CCNF: variants seen among roughly 807,000 people sequenced by gnomAD.
CCNF encodes the protein cyclin-F.
A neutral mutation model predicts 85.4 loss-of-function variants in CCNF; 30 were observed. The observed-to-expected ratio is 0.35, with a 90% CI of 0.26 to 0.48. The LOEUF (loss-of-function observed/expected upper bound fraction) is 0.48. CCNF is among the 20% of genes least tolerant of loss of function. CCNF has a pLI of 0.99. For synonymous variants in CCNF, 439 were observed against 425.1 expected (o/e 1.03, Z -0.40); for missense variants, 919 against 1,010.4 (o/e 0.91, Z 1.23).
intron 4 of CCNF, 44 bp from the exon 5 acceptor site, chr16:2,437,085 T>C: frequency 6.8e-7 from 1 of 1,464,796 alleles, no homozygotes; most frequent in East Asian, 2.4e-5. Flanking sequence ...CCACATTCCG[T>C]CCCTAAGAGA....
At chr16:2,438,642 GA>G (rs932243743) in intron 6 of CCNF, among the ~76,000 whole-genome samples, 288 of 114,100 alleles carry the variant, frequency 2.5e-3, no homozygotes, top group African/African-American at 3.9e-3. Context: ...CTCAGTCTCA[GA>G]AAAAAAAAAA....
At chr16:2,432,435 CTT>C in intron 2 of CCNF, among the ~76,000 whole-genome samples, 1 of 152,206 alleles carries the variant, frequency 6.6e-6, no homozygotes, top group South Asian at 2.1e-4. Flanking sequence ...GCAGTGGAAA[CTT>C]TGGTGCTTAA....
chr16:2,456,911 G>T lies in CCNF; in HGVS notation c.2252G>T (p.Arg751Leu). 1 of 1,614,082 alleles carries T rather than the reference G, an allele frequency of 6.2e-7. No homozygotes were observed. ...HQARKSCLQCRPPSPPESSVP... is the reference protein window; with the variant it reads ...HQARKSCLQCLPPSPPESSVP... ...GCCAGGAAGTCATGTTTACAGTGTC[G>T]TCCCCCAAGTCCCCCGGAGAGCAGT... Residue 751 changes from arginine to leucine, a missense_variant, in exon 17 of 17, where the codon CGT becomes CTT. This residue lies in a region of CCNF where 505 missense variants were observed against 514.8 expected (regional missense o/e 0.98). Transcript: ENST00000397066. The surrounding 1 kb of genome is among the most constrained non-coding windows in gnomAD (Gnocchi z 4.5).
In CCNF at chr16:2,453,452, C is replaced by G. The variant is rs1431350845; in HGVS notation, c.1630C>G (p.Gln544Glu). The stretch of plus-strand genomic sequence containing the variant: ...GTTGTGTGCTGCATTAGGAGTGACA[C>G]AAGACAGCCCCGACCCCCCGACTTT... ...SQLCAALGVT[Q>E]DSPDPPTFLS... is the part of the protein sequence containing the mutation. Residue 544 changes from glutamine (Q) to glutamate (E), a missense_variant, in exon 15 of 17, where the codon CAA (glutamine) becomes GAA (glutamate). This residue lies in a region of CCNF where 505 missense variants were observed against 514.8 expected (regional missense o/e 0.98). Coordinates refer to ENST00000397066, the MANE Select transcript of CCNF (RefSeq NM_001761.3). The surrounding 1 kb of genome is among the most constrained non-coding windows in gnomAD (Gnocchi z 5.6). 3.1e-6 allele frequency: 5 copies of G among 1,614,070 alleles called. No homozygotes were observed. The highest frequency in any genetic ancestry group is 4.2e-6 in the Non-Finnish European group (5 of 1,179,996).
At chr16:2,445,305 T>A in intron 9 of CCNF, 153 bp from the exon 10 acceptor site, 1 of 835,726 alleles carries the variant, frequency 1.2e-6, no homozygotes, top group Non-Finnish European at 1.9e-6. Context: ...GGGCTTCCTG[T>A]GACATGGCCT....
In CCNF at chr16:2,456,884, A is replaced by G; in HGVS notation, c.2225A>G (p.Gln742Arg). 6.2e-7 allele frequency: 1 copy of G among 1,614,150 alleles called. No individual in the cohort carries two copies. The highest frequency in any genetic ancestry group is 1.1e-5 in the South Asian group (1 of 91,086). ...TCGCACACACAGCCCTGCCACCATC[A>G]GGCCAGGAAGTCATGTTTACAGTGT... ...SDSHTQPCHH[Q>R]ARKSCLQCRP... The change falls in exon 17 of 17, where the codon CAG becomes CGG. Residue 742 changes from glutamine to arginine, a missense_variant. Physicochemically the swap from Gln to Arg is conservative, Grantham distance 43. Around this residue, in one of 3 missense-constraint regions of CCNF, gnomAD observed 505 missense variants for 514.8 expected, o/e 0.98. Coordinates refer to ENST00000397066, the MANE Select transcript of CCNF (RefSeq NM_001761.3). This position sits in a 1 kb window ranked among gnomAD's most constrained non-coding sequence, Gnocchi z 4.5.
At chr16:2,431,563 C>T (rs1053211923) in intron 2 of CCNF, among the ~76,000 whole-genome samples, 59 of 151,398 alleles carry the variant, frequency 3.9e-4, no homozygotes, top group Non-Finnish European at 2.1e-4. Flanking sequence ...GCCTGTAATC[C>T]CAGCTACTAG....
chr16:2,443,559 C>A (rs1476472371), intron 8 of CCNF, 90 bp from the exon 9 acceptor site: 9 of 1,299,792 alleles, frequency 6.9e-6, no homozygotes, highest in South Asian at 1.3e-5. Context: ...TGTCCACATG[C>A]ATTTGGTGCC....
At chr16:2,438,529 T>C (rs1412985127) in intron 6 of CCNF, among the ~76,000 whole-genome samples, 2 of 151,242 alleles carry the variant, frequency 1.3e-5, no homozygotes, top group African/African-American at 2.4e-5. Context: ...TAATCCCAGC[T>C]ACTCAGGAGG....
chr16:2,441,860 T>C (rs1343903485), intron 8 of CCNF, among the ~76,000 whole-genome samples: 2 of 145,806 alleles, frequency 1.4e-5, no homozygotes, highest in African/African-American at 5.1e-5. Flanking sequence ...TGGTTAGAAA[T>C]TGGAATGTTC....
Position 2,453,586 on chromosome 16 carries a change from T to C in CCNF, c.1715+49T>C. The C allele has an allele frequency of 6.2e-7, 1 of 1,610,502 alleles. No homozygotes were observed. The highest frequency in any genetic ancestry group is 8.5e-7 in the Non-Finnish European group (1 of 1,178,314). On this transcript the variant is annotated intron_variant, in intron 15 of 16. Coordinates refer to ENST00000397066, the MANE Select transcript of CCNF (RefSeq NM_001761.3). This position sits in a 1 kb window ranked among gnomAD's most constrained non-coding sequence, Gnocchi z 5.6. Reference sequence around the variant, plus strand: ...GCGCCATACAATGCTGGCATCCTCGTGCCGGCCCAGTTCCCTCAGCGCTTC... The same window carrying C: ...GCGCCATACAATGCTGGCATCCTCGCGCCGGCCCAGTTCCCTCAGCGCTTC...
chr16:2,453,479 C>T lies in CCNF; in HGVS notation c.1657C>T (p.Leu553Phe). 2.5e-6 allele frequency: 4 copies of T among 1,614,104 alleles called. No individual in the cohort carries two copies. The highest frequency in any genetic ancestry group is 3.4e-6 in the Non-Finnish European group (4 of 1,180,010). Residue 553 changes from leucine to phenylalanine, a missense_variant, in exon 15 of 17, where the codon CTC (leucine) becomes TTC (phenylalanine). Transcript: ENST00000397066. This position sits in a 1 kb window ranked among gnomAD's most constrained non-coding sequence, Gnocchi z 5.6. ...AGACAGCCCCGACCCCCCGACTTTC[C>T]TCAGCACAGGGGAGATCCACGCCTT... is the stretch of plus-strand genomic sequence containing the variant. Reference protein sequence around the residue: ...TQDSPDPPTFLSTGEIHAFLS... With the variant: ...TQDSPDPPTFFSTGEIHAFLS...
intron 9 of CCNF, 81 bp from the exon 10 acceptor site, chr16:2,445,377 C>A: frequency 6.7e-7 from 1 of 1,494,680 alleles, no homozygotes; most frequent in Non-Finnish European, 9.2e-7. Context: ...TTTGGTCGGG[C>A]CCAACAGGTG....
In CCNF at chr16:2,448,768, T is replaced by G. The variant is rs1460600659; in HGVS notation, c.1095-87T>G. 4 of 1,235,578 alleles carry G rather than the reference T, an allele frequency of 3.2e-6. No homozygotes were observed. The African/African-American group carries it at 6.1e-5, about 19-fold the overall frequency. 76.5% of individuals were successfully genotyped at this position (1,235,578 alleles called of 1,614,324 possible). On this transcript the variant is annotated intron_variant, in intron 10 of 16. Transcript: ENST00000397066. Reference sequence around the variant, plus strand: ...CAACGCCATGGCTCCCTCCCTACCTTGAGGCCTCCTAAAGCCTTGGGTCCC... The same window carrying G: ...CAACGCCATGGCTCCCTCCCTACCTGGAGGCCTCCTAAAGCCTTGGGTCCC...
intron 5 of CCNF, chr16:2,437,585 T>C: frequency 2.3e-6 from 1 of 429,028 alleles, no homozygotes; most frequent in East Asian, 3.9e-5. Flanking sequence ...CATGGGGCAG[T>C]GGGAGCTCAA....
Position 2,453,181 on chromosome 16 carries a change from A to C in CCNF, c.1488-29A>C. The C allele has an allele frequency of 1.3e-6, 2 of 1,598,554 alleles. No homozygotes were observed. ...TAAAAATGGGGTGGGGGTGCCTCAC[A>C]TGTCCACTCCACGTGACTCTGTTTC... On this transcript the variant is annotated intron_variant, in intron 13 of 16. Transcript: ENST00000397066. This position sits in a 1 kb window ranked among gnomAD's most constrained non-coding sequence, Gnocchi z 5.6.
At position 2,456,933 on chromosome 16, in the gene CCNF, C is replaced by A; in HGVS notation, c.2274C>A (p.Ser758Arg). ...LQCRPPSPPE[S>R]SVPQQQVKRI... ...GTCGTCCCCCAAGTCCCCCGGAGAG[C>A]AGTGTTCCCCAGCAACAGGTGAAGC... The change falls in exon 17 of 17, where the codon AGC (serine) becomes AGA (arginine). Residue 758 changes from serine to arginine, a missense_variant. By Grantham distance (110) the Ser-to-Arg change is moderately radical. Coordinates refer to ENST00000397066, the MANE Select transcript of CCNF (RefSeq NM_001761.3). This position sits in a 1 kb window ranked among gnomAD's most constrained non-coding sequence, Gnocchi z 4.5. 1 of 1,614,024 alleles carries A rather than the reference C, an allele frequency of 6.2e-7. No individual in the cohort carries two copies. Among genetic ancestry groups the A allele is most frequent in the Non-Finnish European group, 8.5e-7 (1 of 1,179,968 alleles).
rs749429314 is a variant in CCNF at position 2,432,948 on chromosome 16, C to T, written c.172-13C>T. 8.9e-6 allele frequency: 14 copies of T among 1,564,562 alleles called. No homozygotes were observed. Among genetic ancestry groups the T allele is most frequent in the Admixed American group, 5.1e-5 (3 of 59,088 alleles). On this transcript the variant is annotated splice_polypyrimidine_tract_variant and intron_variant, in intron 2 of 16. Coordinates refer to ENST00000397066, the MANE Select transcript of CCNF (RefSeq NM_001761.3). ...GCCTCCATCACCCAGCCCCGGCCCCCGTTGTTCTGCAGGTACACTCCCAGC... is the reference window on the plus strand; with the variant it reads ...GCCTCCATCACCCAGCCCCGGCCCCTGTTGTTCTGCAGGTACACTCCCAGC...
intron 2 of CCNF, among the ~76,000 whole-genome samples, chr16:2,432,221 C>T (rs760430087): frequency 1.3e-5 from 2 of 152,096 alleles, no homozygotes; most frequent in Non-Finnish European, 2.9e-5. Context: ...GGACAAATTC[C>T]ATGTAACATT....
Sources: gnomAD v4.1 joint callset for allele counts (sites outside exome capture counted in the v4.1 genomes callset) on GRCh38, gnomAD v4.1.1 for gene constraint, gnomAD v4.1.1 regional missense constraint, Gnocchi (gnomAD v3.1) non-coding constraint, MANE v1.5 for transcripts, NCBI Gene and HGNC (gene_info 2026-07-23, HGNC 2026-07-21) for gene names.